EXD3: variants seen among roughly 807,000 people sequenced by gnomAD.
EXD3 encodes exonuclease mut-7 homolog.
EXD3 carries 92 observed loss-of-function variants against 98.0 expected under a neutral mutation model. That is an observed-to-expected ratio of 0.94 (90% CI 0.79 to 1.12). The LOEUF is 1.12. EXD3 is among the 50% of genes most tolerant of loss of function. The pLI is 0.00. For missense variants in EXD3, 1,222 were observed against 1,191.6 expected (o/e 1.03, Z -0.38); for synonymous variants, 569 against 526.0 (o/e 1.08, Z -1.12).
At chr9:137,327,418 C>A (rs1363138580) in intron 17 of EXD3, among the ~76,000 whole-genome samples, 3 of 152,248 alleles carry the variant, frequency 2.0e-5, no homozygotes, top group East Asian at 1.9e-4. Context: ...CAGGTGTGAG[C>A]CACCGCGCCC....
chr9:137,370,378 C>T (rs1460328515), intron 5 of EXD3, among the ~76,000 whole-genome samples: 1 of 152,108 alleles, frequency 6.6e-6, no homozygotes, highest in Non-Finnish European at 1.5e-5. Context: ...GAGCAGACAG[C>T]AGAAGGTGAA....
chr9:137,352,900 G>C (rs1470941337), intron 10 of EXD3, 114 bp from the exon 11 acceptor site: 1 of 1,450,286 alleles, frequency 6.9e-7, no homozygotes, highest in African/African-American at 1.4e-5. Context: ...AGCACTCGGG[G>C]AGGAGGGGCA....
chr9:137,420,592 TA>T (rs1838465326), intron 1 of EXD3, among the ~76,000 whole-genome samples: 1 of 152,130 alleles, frequency 6.6e-6, no homozygotes, highest in African/African-American at 2.4e-5. Flanking sequence ...ATAGAGCCAA[TA>T]AAAAGCCCCT....
In EXD3 at chr9:137,395,369, G is replaced by A. The variant is rs1837160715; in HGVS notation, c.-12C>T. ...TCTCCTGGGTCCATCCTCAGGGCCG[G>A]GCCGAGGACGCTGGCAGGCAGCTAG... On this transcript the variant is annotated 5_prime_UTR_variant, in exon 2 of 22. Coordinates refer to ENST00000340951, the MANE Select transcript of EXD3 (RefSeq NM_017820.5). This position sits in a 1 kb window ranked among gnomAD's most constrained non-coding sequence, Gnocchi z 6.5. The A allele has an allele frequency of 6.2e-7, 1 of 1,613,214 alleles. No individual in the cohort carries two copies. The highest frequency in any genetic ancestry group is 1.3e-5 in the African/African-American group (1 of 74,910).
In EXD3 at chr9:137,381,031, C is replaced by T. The variant is rs570016436; in HGVS notation, c.120+2282G>A. Among the ~76,000 whole-genome samples, 11 of 151,298 alleles carry T rather than the reference C, an allele frequency of 7.3e-5. No homozygotes were observed. In the East Asian group the frequency reaches 7.9e-4, roughly 11 times the overall value. ...AAGAGAATCACTTGAATCTGGGAGG[C>T]GGAGGTTACAGTGAGTCGAGATCAT... On this transcript the variant is annotated intron_variant, in intron 3 of 21. Coordinates refer to ENST00000340951, the MANE Select transcript of EXD3 (RefSeq NM_017820.5).
At chr9:137,326,952 G>C (rs533077778) in intron 17 of EXD3, among the ~76,000 whole-genome samples, 1 of 152,084 alleles carries the variant, frequency 6.6e-6, no homozygotes, top group African/African-American at 2.4e-5. Flanking sequence ...TTCCGACACA[G>C]GCTACGTCGT....
chr9:137,319,438 G>C (rs779883784), intron 19 of EXD3, among the ~76,000 whole-genome samples: 8 of 152,206 alleles, frequency 5.3e-5, no homozygotes, highest in Non-Finnish European at 8.8e-5. Context: ...TGGGGTGGCC[G>C]ATCAGTGGTG....
At chr9:137,415,334 G>A (rs567858058) in intron 1 of EXD3, among the ~76,000 whole-genome samples, 7 of 152,114 alleles carry the variant, frequency 4.6e-5, no homozygotes, top group Non-Finnish European at 1.0e-4. Flanking sequence ...CTCCTGAGTG[G>A]CTGGGATTAC....
In EXD3 at chr9:137,349,741, C is replaced by T. The variant is rs1019445779; in HGVS notation, c.1495-210G>A. On this transcript the variant is annotated intron_variant, in intron 14 of 21. Transcript: ENST00000340951. This position sits in a 1 kb window ranked among gnomAD's most constrained non-coding sequence, Gnocchi z 7.4. ...AGGCTGCAGGCACTGCACACCAGGG[C>T]CAGCTCCGGGGGCCCTGGTCAGCAG... 3.3e-5 allele frequency among the ~76,000 whole-genome samples: 5 copies of T among 151,972 alleles called. No individual in the cohort carries two copies. Among genetic ancestry groups the T allele is most frequent in the African/African-American group, 1.2e-4 (5 of 41,370 alleles).
chr9:137,389,527 C>T (rs1045348763), intron 2 of EXD3, among the ~76,000 whole-genome samples: 2 of 152,178 alleles, frequency 1.3e-5, no homozygotes, highest in East Asian at 3.9e-4. Context: ...GAGAGCCCAC[C>T]GTTCGATGCT....
intron 20 of EXD3, 50 bp downstream of exon 20, chr9:137,309,557 C>T (rs181068723): frequency 6.8e-6 from 10 of 1,468,670 alleles, no homozygotes; most frequent in South Asian, 2.4e-5. Context: ...CTCAGTAGGT[C>T]GACCCATCCC....
At chr9:137,396,689 A>T (rs934179237) in intron 1 of EXD3, among the ~76,000 whole-genome samples, 13 of 152,214 alleles carry the variant, frequency 8.5e-5, no homozygotes, top group African/African-American at 2.4e-4. Flanking sequence ...TCGTCTGTGG[A>T]CTCAGGACGG....
rs1564204399 is a variant in EXD3, at chr9:137,393,941, G to A, written c.55+1362C>T. Among the ~76,000 whole-genome samples the A allele has an allele frequency of 1.3e-5, 2 of 152,160 alleles. No individual in the cohort carries two copies. Among genetic ancestry groups the A allele is most frequent in the African/African-American group, 4.8e-5 (2 of 41,418 alleles). ...ACTGCAGGGTGAAGGATGTGAAGGG[G>A]CCCCGGCACCCCCTTCTCACCCTCT... On this transcript the variant is annotated intron_variant, in intron 2 of 21. Transcript: ENST00000340951. The surrounding 1 kb of genome is among the most constrained non-coding windows in gnomAD (Gnocchi z 4.6).
At chr9:137,362,500 T>G (rs1332133854) in intron 7 of EXD3, among the ~76,000 whole-genome samples, 1 of 151,280 alleles carries the variant, frequency 6.6e-6, no homozygotes, top group Non-Finnish European at 1.5e-5. Flanking sequence ...AGAAAGGAAC[T>G]TCCTCATTTT....
rs1226379253 is a variant in EXD3, at chr9:137,349,846, G to A, written c.1495-315C>T. Among the ~76,000 whole-genome samples, 1 of 152,094 alleles carries A rather than the reference G, an allele frequency of 6.6e-6. No individual in the cohort carries two copies. The highest frequency in any genetic ancestry group is 1.5e-5 in the Non-Finnish European group (1 of 67,994). On this transcript the variant is annotated intron_variant, in intron 14 of 21. Transcript: ENST00000340951. The surrounding 1 kb of genome is among the most constrained non-coding windows in gnomAD (Gnocchi z 7.4). ...TCTGTGTGGCCAGCTCTCTGTCTCT[G>A]TTTTATCTTCAGAAGAGGAGCACTG...
chr9:137,415,354 C>T (rs1358892869), intron 1 of EXD3, among the ~76,000 whole-genome samples: 1 of 152,058 alleles, frequency 6.6e-6, no homozygotes, highest in Non-Finnish European at 1.5e-5. Flanking sequence ...CAGGCATGCA[C>T]AGCTAATTTT....
intron 17 of EXD3, among the ~76,000 whole-genome samples, chr9:137,329,042 G>GA (rs1177519438): frequency 2.1e-5 from 1 of 48,674 alleles, no homozygotes; most frequent in Non-Finnish European, 3.6e-5. Context: ...GGCTACACGG[G>GA]GCTACACGGG....
chr9:137,383,898 C>T (rs957625881), intron 2 of EXD3, among the ~76,000 whole-genome samples: 5 of 152,230 alleles, frequency 3.3e-5, no homozygotes, highest in East Asian at 3.8e-4. Context: ...CAACCAAAGA[C>T]GCTGCCCCAC....
At chr9:137,416,099 C>G (rs1838217075) in intron 1 of EXD3, among the ~76,000 whole-genome samples, 1 of 152,228 alleles carries the variant, frequency 6.6e-6, no homozygotes, top group African/African-American at 2.4e-5. Context: ...GCCTTAGCAC[C>G]TCCACACCTC....
Sources: gnomAD v4.1 joint callset for allele counts (sites outside exome capture counted in the v4.1 genomes callset) on GRCh38, gnomAD v4.1.1 for gene constraint, Gnocchi (gnomAD v3.1) non-coding constraint, MANE v1.5 for transcripts, NCBI Gene and HGNC (gene_info 2026-07-23, HGNC 2026-07-21) for gene names.